RBMS2: variants seen among roughly 807,000 people sequenced by gnomAD.
The protein encoded by RBMS2 is RNA-binding motif, single-stranded-interacting protein 2.
In RBMS2, 38 loss-of-function variants were observed where a neutral mutation model predicts 58.4. The observed-to-expected ratio is 0.65, with a 90% confidence interval of 0.50 to 0.85. The LOEUF is 0.85. Ranked by LOEUF, RBMS2 falls within the 40% of genes least tolerant of loss-of-function variation. The pLI, the probability that RBMS2 is intolerant of heterozygous loss-of-function variation, is 0.00. For missense variants in RBMS2, 367 were observed against 503.7 expected (o/e 0.73, Z 2.60); for synonymous variants, 151 against 180.7 (o/e 0.84, Z 1.32).
Position 56,594,104 on chromosome 12 carries a change from T to C in RBMS2, c.*4971T>C, listed in dbSNP as rs1885520358. The stretch of plus-strand genomic sequence containing the variant: ...CTCCCTTAGTGCCTCCAGTGCCTAC[T>C]CCTGTCACTCCAATGTCAACCCATT... On this transcript the variant is annotated 3_prime_UTR_variant, in exon 14 of 14. Transcript: ENST00000262031. 1.3e-5 allele frequency: 2 copies of C among 152,340 alleles called. No homozygotes were observed. Among genetic ancestry groups the C allele is most frequent in the Non-Finnish European group, 2.9e-5 (2 of 68,042 alleles). 9.4% of individuals were successfully genotyped at this position (152,340 alleles called of 1,614,324 possible).
chr12:56,572,546 C>G (rs1882482291), intron 5 of RBMS2, among the ~76,000 whole-genome samples: 2 of 152,062 alleles, frequency 1.3e-5, no homozygotes. Context: ...TTAATCCAGA[C>G]CCAACCAGAG....
At chr12:56,561,251 AATG>A (rs1369843506) in intron 1 of RBMS2, among the ~76,000 whole-genome samples, 19 of 152,134 alleles carry the variant, frequency 1.2e-4, no homozygotes, top group African/African-American at 4.6e-4. Flanking sequence ...TTTATGATAG[AATG>A]ATTTCTATTC....
rs577836289 is a variant in RBMS2 at position 56,547,813 on chromosome 12, T to G, written c.67-14604T>G. Among the ~76,000 whole-genome samples, 3 of 151,928 alleles carry G rather than the reference T, an allele frequency of 2.0e-5. No homozygotes were observed. In the South Asian group the frequency reaches 6.2e-4, roughly 32 times the overall value. On this transcript the variant is annotated intron_variant, in intron 1 of 13. Transcript: ENST00000262031. ...ACAGGTGCCCACTACCACGCCTGGC[T>G]AATTTTTTTTGTATTTTTAGTAAAG... is the stretch of plus-strand genomic sequence containing the variant.
Position 56,581,280 on chromosome 12 carries a change from T to C in RBMS2, c.622+17T>C. 1 of 1,592,300 alleles carries C rather than the reference T, an allele frequency of 6.3e-7. No homozygotes were observed. The highest frequency in any genetic ancestry group is 8.6e-7 in the Non-Finnish European group (1 of 1,160,202). ...GAGTACCAGGTGAGGCATCTGGGGC[T>C]CAGGCTGAGAGGGCCACAGGTTGTT... On this transcript the variant is annotated intron_variant, in intron 6 of 13. Transcript: ENST00000262031.
At chr12:56,521,202 G>T (rs1871679833), upstream of RBMS2, among the ~76,000 whole-genome samples, 1 of 152,156 alleles carries the variant, frequency 6.6e-6, no homozygotes. Context: ...GGTTGAGTGG[G>T]TGGATCACTT....
intron 9 of RBMS2, among the ~76,000 whole-genome samples, chr12:56,582,508 C>A (rs1207314326): frequency 6.6e-6 from 1 of 152,168 alleles, no homozygotes; most frequent in African/African-American, 2.4e-5. Flanking sequence ...TCACTCATCT[C>A]ACTTAACAGT....
At chr12:56,562,292 C>T in intron 1 of RBMS2, 125 bp from the exon 2 acceptor site, 1 of 888,520 alleles carries the variant, frequency 1.1e-6, no homozygotes, top group South Asian at 1.8e-5. Context: ...TATGTGTGTC[C>T]AAGTGAGTGC....
chr12:56,539,173 G>A (rs1354002984), intron 1 of RBMS2, among the ~76,000 whole-genome samples: 3 of 151,812 alleles, frequency 2.0e-5, no homozygotes, highest in South Asian at 4.1e-4. Context: ...ACACCACCAC[G>A]CCCAGCTAAC....
At chr12:56,555,322 C>T (rs1007179005) in intron 1 of RBMS2, among the ~76,000 whole-genome samples, 6 of 151,690 alleles carry the variant, frequency 4.0e-5, no homozygotes, top group African/African-American at 1.5e-4. Context: ...TGCCTGTAAT[C>T]CCATCTACTC....
At chr12:56,588,433 C>T (rs1884980552) in intron 12 of RBMS2, 59 bp downstream of exon 12, 5 of 1,450,048 alleles carry the variant, frequency 3.4e-6, no homozygotes, top group African/African-American at 2.8e-5. Context: ...GGCAGGTTTC[C>T]CCCTGATCAA....
Position 56,560,662 on chromosome 12 carries a change from T to A in RBMS2, c.67-1755T>A, listed in dbSNP as rs528120495. On this transcript the variant is annotated intron_variant, in intron 1 of 13. Coordinates refer to ENST00000262031, the MANE Select transcript of RBMS2 (RefSeq NM_002898.4). Reference sequence around the variant, plus strand: ...CTCTCACCTCAGCCTCCCAAAGCGCTGGGATTACAGGTGTGAGCCACTGTG... The same window carrying A: ...CTCTCACCTCAGCCTCCCAAAGCGCAGGGATTACAGGTGTGAGCCACTGTG... Among the ~76,000 whole-genome samples, 8 of 152,316 alleles carry A rather than the reference T, an allele frequency of 5.3e-5. No homozygotes were observed. In the South Asian group the frequency reaches 1.7e-3, roughly 32 times the overall value.
rs930746375 is a variant in RBMS2, at chr12:56,595,577, T to C, written c.*6444T>C. 6.6e-6 allele frequency: 1 copy of C among 152,068 alleles called. No individual in the cohort carries two copies. Among genetic ancestry groups the C allele is most frequent in the Non-Finnish European group, 1.5e-5 (1 of 67,994 alleles). 9.4% of individuals were successfully genotyped at this position (152,068 alleles called of 1,614,324 possible). A position where few individuals can be genotyped will look rare whatever the true frequency, so the allele number is the denominator to read the frequency against. On this transcript the variant is annotated 3_prime_UTR_variant, in exon 14 of 14. Transcript: ENST00000262031. ...TTTGTCTTACTTCACACTTTTTTTT[T>C]TTTAAATAAAACACAAAAGTCTACG...
chr12:56,568,522 A>G (rs1881741986), intron 2 of RBMS2, among the ~76,000 whole-genome samples: 1 of 148,452 alleles, frequency 6.7e-6, no homozygotes, highest in South Asian at 2.1e-4. Context: ...GGCATTTTTA[A>G]CCCATTTCTT....
chr12:56,580,351 G>A (rs1437632324), intron 5 of RBMS2: 2 of 384,328 alleles, frequency 5.2e-6, no homozygotes, highest in East Asian at 2.0e-4. Flanking sequence ...TCTCACCTCT[G>A]CCTCCTGAGT....
At chr12:56,535,388 G>A (rs760482236) in intron 1 of RBMS2, among the ~76,000 whole-genome samples, 3 of 151,726 alleles carry the variant, frequency 2.0e-5, no homozygotes, top group Non-Finnish European at 2.9e-5. Context: ...CCAGCTACTC[G>A]GGAGGCTGAG....
In RBMS2 at chr12:56,561,824, A is replaced by C. The variant is rs377531572; in HGVS notation, c.67-593A>C. On this transcript the variant is annotated intron_variant, in intron 1 of 13. Transcript: ENST00000262031. The stretch of plus-strand genomic sequence containing the variant: ...GGGTGAGCCACCGCGCCCGTCCTGC[A>C]TTTCTTTTCCAAACGTGCTGTCGCC... 1.4e-4 allele frequency among the ~76,000 whole-genome samples: 20 copies of C among 138,714 alleles called. 1 individual carries two copies. Among genetic ancestry groups the C allele is most frequent in the Admixed American group, 6.0e-4 (8 of 13,308 alleles). The allele number at this position is 138,714 out of a possible 152,430, so 91.0% of individuals were successfully genotyped here.
At chr12:56,584,924 A>G (rs1216663610) in intron 9 of RBMS2, among the ~76,000 whole-genome samples, 2 of 151,200 alleles carry the variant, frequency 1.3e-5, no homozygotes, top group Non-Finnish European at 2.9e-5. Context: ...CCTGGGTTCA[A>G]GTGATTCTCC....
At chr12:56,579,618 A>T (rs1448209068) in intron 5 of RBMS2, among the ~76,000 whole-genome samples, 1 of 150,176 alleles carries the variant, frequency 6.7e-6, no homozygotes, top group African/African-American at 2.5e-5. Flanking sequence ...TGGGCGACAG[A>T]GCAAGACTCA....
At chr12:56,561,626 C>T (rs759496181) in intron 1 of RBMS2, among the ~76,000 whole-genome samples, 1 of 151,656 alleles carries the variant, frequency 6.6e-6, no homozygotes, top group Admixed American at 6.6e-5. Flanking sequence ...TCTGCCTCAA[C>T]CTCCTGAGTA....
Sources: gnomAD v4.1 joint callset for allele counts (sites outside exome capture counted in the v4.1 genomes callset) on GRCh38, gnomAD v4.1.1 for gene constraint, MANE v1.5 for transcripts, NCBI Gene and HGNC (gene_info 2026-07-23, HGNC 2026-07-21) for gene names.